DNAAF4: variants seen among roughly 807,000 people sequenced by gnomAD.
The protein encoded by DNAAF4 is dynein axonemal assembly factor 4.
A neutral mutation model predicts 51.8 loss-of-function variants in DNAAF4; 43 were observed. The ratio of observed to expected loss-of-function variants is 0.83; its 90% CI spans 0.65 to 1.07. The LOEUF (loss-of-function observed/expected upper bound fraction) is 1.07, where lower values mean the gene tolerates loss of function less well. DNAAF4 is among the 50% of genes least tolerant of loss of function. The pLI, the probability that DNAAF4 is intolerant of heterozygous loss-of-function variation, is 0.00. For synonymous variants in DNAAF4, 194 were observed against 165.6 expected (o/e 1.17, Z -1.32); for missense variants, 581 against 493.0 (o/e 1.18, Z -1.69).
intron 3 of DNAAF4, 42 bp downstream of exon 3, chr15:55,497,669 GA>G: frequency 1.9e-6 from 3 of 1,559,920 alleles, no homozygotes; most frequent in Non-Finnish European, 2.6e-6. Context: ...GTCTGAAACC[GA>G]AAAGGTACAA....
intron 4 of DNAAF4, among the ~76,000 whole-genome samples, chr15:55,489,923 G>A (rs2058547419): frequency 6.6e-6 from 1 of 150,636 alleles, no homozygotes; most frequent in African/African-American, 2.4e-5. Context: ...GCCCAGGCTG[G>A]AGTGCAGTGG....
chr15:55,500,689 T>C (rs1022435391), intron 1 of DNAAF4, among the ~76,000 whole-genome samples: 3 of 152,174 alleles, frequency 2.0e-5, no homozygotes, highest in Non-Finnish European at 4.4e-5. Flanking sequence ...GAATGAATTA[T>C]ACCTTAAAAA....
At chr15:55,482,228 G>A (rs1002383990) in intron 4 of DNAAF4, among the ~76,000 whole-genome samples, 1 of 139,956 alleles carries the variant, frequency 7.1e-6, no homozygotes, top group Non-Finnish European at 1.6e-5. Flanking sequence ...TGTTGGCAAA[G>A]ATGTAAAAAA....
rs73411005 is a variant in DNAAF4 at position 55,477,579 on chromosome 15, C to T, written c.406-10418G>A. On this transcript the variant is annotated intron_variant, in intron 4 of 9. Transcript: ENST00000321149. The stretch of plus-strand genomic sequence containing the variant: ...AGTAGATTGTGATCAGTTAAAGGAA[C>T]ACAGAACAACCACTGAAAAATAAAT... Among the ~76,000 whole-genome samples, 1,085 of 151,896 alleles carry T rather than the reference C, an allele frequency of 7.1e-3. 15 individuals are homozygous for T. Among genetic ancestry groups the T allele is most frequent in the African/African-American group, 0.025 (1,044 of 41,416 alleles).
Position 55,498,556 on chromosome 15 carries a change from G to T in DNAAF4, c.-227C>A. 1 of 303,148 alleles carries T rather than the reference G, an allele frequency of 3.3e-6. No individual in the cohort carries two copies. Among genetic ancestry groups the T allele is most frequent in the Non-Finnish European group, 5.9e-6 (1 of 169,592 alleles). 18.8% of individuals were successfully genotyped at this position (303,148 alleles called of 1,614,324 possible). On this transcript the variant is annotated 5_prime_UTR_variant, in exon 2 of 10. Transcript: ENST00000321149. ...CTTGGGGTTACCTTACGATCTGAGC[G>T]AATGTTCAAAGAAGTAGACCCATAC...
At chr15:55,421,492 G>C (rs756643827) in intron 7 of DNAAF4, among the ~76,000 whole-genome samples, 5 of 152,014 alleles carry the variant, frequency 3.3e-5, no homozygotes, top group Non-Finnish European at 5.9e-5. Context: ...GACAGAGGGA[G>C]ACTTCATCTA....
intron 6 of DNAAF4, among the ~76,000 whole-genome samples, chr15:55,444,192 CT>C (rs2057760035): frequency 6.6e-6 from 1 of 152,202 alleles, no homozygotes; most frequent in African/African-American, 2.4e-5. Flanking sequence ...ACATTTAAGT[CT>C]TTCATCCATC....
At chr15:55,505,753 C>A (rs1359693741) in intron 1 of DNAAF4, among the ~76,000 whole-genome samples, 1 of 150,508 alleles carries the variant, frequency 6.6e-6, no homozygotes, top group East Asian at 2.0e-4. Context: ...ACATTACACA[C>A]TGGGGCCTGT....
Position 55,434,987 on chromosome 15 carries a change from T to C in DNAAF4, c.965A>G (p.Lys322Arg). Residue 322 changes from lysine to arginine, a missense_variant, in exon 8 of 10, where the codon AAG becomes AGG. By Grantham distance (26) the Lys-to-Arg change is conservative. Transcript: ENST00000321149. ...AYNLAIRLNN[K>R]MPLLYLNRAA... is the part of the protein sequence containing the mutation. ...CCGGTTCAAATACAATAGTGGCATC[T>C]TATTATTTAGTCTTATGGCTAAATT... is the stretch of plus-strand genomic sequence containing the variant. The C allele has an allele frequency of 6.2e-7, 1 of 1,613,180 alleles. No individual in the cohort carries two copies. The highest frequency in any genetic ancestry group is 1.1e-5 in the South Asian group (1 of 90,614).
intron 5 of DNAAF4, among the ~76,000 whole-genome samples, chr15:55,452,833 C>T (rs1356329196): frequency 1.3e-5 from 2 of 152,118 alleles, no homozygotes; most frequent in Non-Finnish European, 2.9e-5. Flanking sequence ...ATATCAATGG[C>T]TGGAGACTGG....
At chr15:55,418,293 AC>A in intron 7 of DNAAF4, 2 of 1,549,868 alleles carry the variant, frequency 1.3e-6, no homozygotes, top group Non-Finnish European at 1.7e-6. Context: ...CCTTGTGTGA[AC>A]CCTGGCAATC....
intron 1 of DNAAF4, among the ~76,000 whole-genome samples, chr15:55,504,228 C>G (rs370492702): frequency 6.6e-6 from 1 of 152,076 alleles, no homozygotes; most frequent in Non-Finnish European, 1.5e-5. Flanking sequence ...TGTGAAGGAC[C>G]TCTTCAAGGA....
At chr15:55,449,236 C>T (rs1337636995) in intron 6 of DNAAF4, among the ~76,000 whole-genome samples, 4 of 151,064 alleles carry the variant, frequency 2.6e-5, no homozygotes, top group Non-Finnish European at 2.9e-5. Flanking sequence ...GTGATCCACC[C>T]ACCTCGGCCT....
chr15:55,496,221 ACT>A (rs773143643), intron 3 of DNAAF4, among the ~76,000 whole-genome samples: 5 of 152,162 alleles, frequency 3.3e-5, no homozygotes, highest in East Asian at 3.9e-4. Context: ...ACTGAGCGAG[ACT>A]CTGTCTTTCC....
At chr15:55,454,940 C>CA (rs1214984008) in intron 5 of DNAAF4, among the ~76,000 whole-genome samples, 3 of 148,328 alleles carry the variant, frequency 2.0e-5, no homozygotes, top group African/African-American at 7.4e-5. Context: ...GATCCTGTCT[C>CA]AAAAAAAAGA....
At chr15:55,441,027 A>T (rs957250696) in intron 6 of DNAAF4, among the ~76,000 whole-genome samples, 13 of 151,346 alleles carry the variant, frequency 8.6e-5, no homozygotes, top group Non-Finnish European at 8.8e-5. Context: ...TACAATAGAT[A>T]AAATTTCTAG....
chr15:55,487,612 T>C (rs1160045252), intron 4 of DNAAF4, among the ~76,000 whole-genome samples: 1 of 150,966 alleles, frequency 6.6e-6, no homozygotes, highest in Non-Finnish European at 1.5e-5. Flanking sequence ...ACCGTGAGGG[T>C]CTGCAGCTTA....
chr15:55,449,482 G>A (rs1340828642), intron 6 of DNAAF4, among the ~76,000 whole-genome samples: 1 of 148,716 alleles, frequency 6.7e-6, no homozygotes, highest in African/African-American at 2.5e-5. Context: ...GACCAACATG[G>A]TGAAACCCCA....
downstream of DNAAF4, among the ~76,000 whole-genome samples, chr15:55,427,272 T>C (rs1172633554): frequency 1.3e-5 from 2 of 152,132 alleles, no homozygotes; most frequent in African/African-American, 4.8e-5. Flanking sequence ...TTCACCATCT[T>C]GGCCAGGCTG....
Sources: gnomAD v4.1 joint callset for allele counts (sites outside exome capture counted in the v4.1 genomes callset) on GRCh38, gnomAD v4.1.1 for gene constraint, MANE v1.5 for transcripts, NCBI Gene and HGNC (gene_info 2026-07-23, HGNC 2026-07-21) for gene names.